The following TENM3 variants were observed in gnomAD, a reference collection of about 807,000 sequenced individuals.
TENM3 encodes teneurin-3.
Under a neutral mutation model 255.1 loss-of-function variants are expected in TENM3, and 63 were observed. The observed-to-expected ratio is 0.25, with a 90% CI of 0.20 to 0.30. TENM3 has a LOEUF of 0.30. TENM3 is among the 10% of genes least tolerant of loss of function. The pLI is 1.00. For synonymous variants in TENM3, 1,306 were observed against 1,322.3 expected (o/e 0.99, Z 0.27); for missense variants, 2,929 against 3,461.1 (o/e 0.85, Z 3.86).
the TENM3 span, among the ~76,000 whole-genome samples, chr4:181,889,853 T>A: frequency 1.5e-4 from 23 of 152,214 alleles, no homozygotes; most frequent in Non-Finnish European, 3.1e-4. Flanking sequence ...TTCTTCTTCA[T>A]TATTTTAATT....
Position 182,637,903 on chromosome 4 carries a change from A to G in TENM3, c.988+9014A>G, listed in dbSNP as rs188081849. Among the ~76,000 whole-genome samples, 23 of 152,362 alleles carry G rather than the reference A, an allele frequency of 1.5e-4. No individual in the cohort carries two copies. The East Asian group carries it at 4.2e-3, about 28-fold the overall frequency. ...ATAACTGAGATTATGTGTTTTGACAAATGCTGACGTAGGGACAGATTCTAA... is the reference window on the plus strand; with the variant it reads ...ATAACTGAGATTATGTGTTTTGACAGATGCTGACGTAGGGACAGATTCTAA... On this transcript the variant is annotated intron_variant, in intron 5 of 27. Transcript: ENST00000511685.
At chr4:182,346,147 G>A (rs1215836337) in intron 2 of TENM3, among the ~76,000 whole-genome samples, 1 of 152,066 alleles carries the variant, frequency 6.6e-6, no homozygotes, top group Non-Finnish European at 1.5e-5. Context: ...AGTCAAGGCG[G>A]AAAAATATAA....
chr4:182,546,699 G>C (rs1169937934), intron 3 of TENM3, among the ~76,000 whole-genome samples: 4 of 152,140 alleles, frequency 2.6e-5, no homozygotes, highest in African/African-American at 9.7e-5. Context: ...ACTGAAAATA[G>C]TCTGGAAATG....
the TENM3 span, among the ~76,000 whole-genome samples, chr4:181,771,187 G>A: frequency 1.3e-5 from 2 of 152,174 alleles, no homozygotes; most frequent in Non-Finnish European, 2.9e-5. Flanking sequence ...CTTTAAATAT[G>A]TGAAGAATTT....
intron 3 of TENM3, among the ~76,000 whole-genome samples, chr4:182,599,213 A>G (rs1360405718): frequency 6.6e-6 from 1 of 152,222 alleles, no homozygotes; most frequent in African/African-American, 2.4e-5. Context: ...CCTGAATAAT[A>G]AATCTTTCAT....
chr4:181,514,617 G>A, the TENM3 span, among the ~76,000 whole-genome samples: 64 of 152,272 alleles, frequency 4.2e-4, no homozygotes, highest in African/African-American at 1.4e-3. Flanking sequence ...GGCAGTGTGC[G>A]AAGGTGTGTT....
chr4:182,440,211 C>G (rs1163254243), intron 3 of TENM3, among the ~76,000 whole-genome samples: 2 of 147,956 alleles, frequency 1.4e-5, no homozygotes, highest in East Asian at 4.1e-4. Context: ...CTCTCGGGTT[C>G]AAGCGATTCT....
chr4:181,605,538 GAA>G, the TENM3 span, among the ~76,000 whole-genome samples: 801 of 22,460 alleles, frequency 0.036, 81 homozygotes, highest in Middle Eastern at 0.1. Flanking sequence ...AAGAAAGAAA[GAA>G]AGAAAGAAAG....
At chr4:181,939,611 C>T in the TENM3 span, among the ~76,000 whole-genome samples, 1 of 152,320 alleles carries the variant, frequency 6.6e-6, no homozygotes, top group South Asian at 2.1e-4. Flanking sequence ...GTTTATTTCT[C>T]CACTTCTTTC....
At chr4:182,211,593 C>T (rs1755044362) in intron 1 of TENM3, among the ~76,000 whole-genome samples, 1 of 152,172 alleles carries the variant, frequency 6.6e-6, no homozygotes, top group Non-Finnish European at 1.5e-5. Context: ...TCAAATCTAT[C>T]ACCACCTATA....
At chr4:181,930,638 A>G in the TENM3 span, among the ~76,000 whole-genome samples, 1 of 152,194 alleles carries the variant, frequency 6.6e-6, no homozygotes, top group African/African-American at 2.4e-5. Flanking sequence ...AACAACAGAA[A>G]AAAAGAGACT....
At chr4:182,603,170 T>C (rs1748064440) in intron 4 of TENM3, among the ~76,000 whole-genome samples, 1 of 152,188 alleles carries the variant, frequency 6.6e-6, no homozygotes, top group African/African-American at 2.4e-5. Flanking sequence ...TGTAGCCATA[T>C]GTGAAATTGT....
intron 4 of TENM3, among the ~76,000 whole-genome samples, chr4:182,620,897 T>G (rs1750060519): frequency 6.6e-6 from 1 of 151,968 alleles, no homozygotes; most frequent in Non-Finnish European, 1.5e-5. Context: ...CTAGGCTAAT[T>G]TTTAAAAAAG....
chr4:182,751,671 A>G (rs1762380249), intron 19 of TENM3, 129 bp from the exon 20 acceptor site: 1 of 676,888 alleles, frequency 1.5e-6, no homozygotes, highest in Non-Finnish European at 2.6e-6. Context: ...AGTACTATTC[A>G]TGTCTAATCT....
chr4:181,605,520 A>G, the TENM3 span, among the ~76,000 whole-genome samples: 8 of 22,780 alleles, frequency 3.5e-4, no homozygotes, highest in East Asian at 9.2e-4. Flanking sequence ...GAAAGAAAGA[A>G]AGAAAGAAAG....
chr4:181,960,081 A>G, the TENM3 span, among the ~76,000 whole-genome samples: 1 of 152,228 alleles, frequency 6.6e-6, no homozygotes, highest in African/African-American at 2.4e-5. Context: ...AGCAAAGTGT[A>G]TATTTAAGCC....
At chr4:181,728,976 TATTC>T in the TENM3 span, among the ~76,000 whole-genome samples, 2 of 152,182 alleles carry the variant, frequency 1.3e-5, no homozygotes, top group African/African-American at 4.8e-5. Flanking sequence ...AATGAGAAGT[TATTC>T]ATTCAGTATA....
At chr4:182,179,448 G>A (rs1308728458) in intron 1 of TENM3, among the ~76,000 whole-genome samples, 2 of 152,188 alleles carry the variant, frequency 1.3e-5, no homozygotes, top group Admixed American at 1.3e-4. Context: ...GTACTGTAGA[G>A]GCATTTCTCG....
At chr4:182,594,683 G>GGGGT (rs1289744680) in intron 3 of TENM3, among the ~76,000 whole-genome samples, 10 of 138,166 alleles carry the variant, frequency 7.2e-5, no homozygotes, top group East Asian at 4.4e-4. Flanking sequence ...TTTTTGTTTT[G>GGGGT]GTGTGTGTGT....
Sources: gnomAD v4.1 joint callset for allele counts (sites outside exome capture counted in the v4.1 genomes callset) on GRCh38, gnomAD v4.1.1 for gene constraint, MANE v1.5 for transcripts, NCBI Gene and HGNC (gene_info 2026-07-23, HGNC 2026-07-21) for gene names.